The following CDH12 variants were observed in gnomAD, a reference collection of about 807,000 sequenced individuals.
CDH12 encodes the protein cadherin-12.
In CDH12, 41 loss-of-function variants were observed where a neutral mutation model predicts 74.1. The ratio of observed to expected loss-of-function variants is 0.55; its 90% CI spans 0.43 to 0.72. CDH12 has a LOEUF of 0.72. Ranked by LOEUF, CDH12 falls within the 30% of genes least tolerant of loss-of-function variation. CDH12 has a pLI of 0.00. For missense variants in CDH12, 945 were observed against 977.2 expected, an observed-to-expected ratio of 0.97 and a Z score of 0.44; for synonymous variants, 399 against 355.0, an observed-to-expected ratio of 1.12 and a Z score of -1.39.
chr5:22,431,693 G>C (rs542085778), intron 2 of CDH12, among the ~76,000 whole-genome samples: 2 of 152,316 alleles, frequency 1.3e-5, no homozygotes, highest in South Asian at 4.1e-4. Flanking sequence ...CAGTGATGTT[G>C]ATGATGCTGA....
chr5:22,257,610 C>T (rs1220140538), intron 3 of CDH12, among the ~76,000 whole-genome samples: 1 of 151,974 alleles, frequency 6.6e-6, no homozygotes, highest in Non-Finnish European at 1.5e-5. Context: ...AGCAATTCTC[C>T]TCCCTCAGCC....
chr5:22,301,116 G>A (rs114526442), intron 3 of CDH12, among the ~76,000 whole-genome samples: 381 of 152,028 alleles, frequency 2.5e-3, no homozygotes, highest in African/African-American at 8.8e-3. Context: ...GACTAAGTTC[G>A]GCAATGTATT....
At chr5:22,717,220 G>T (rs189783694) in intron 1 of CDH12, among the ~76,000 whole-genome samples, 1 of 151,930 alleles carries the variant, frequency 6.6e-6, no homozygotes, top group Admixed American at 6.6e-5. Context: ...CTCCATTCAT[G>T]GTATATGCCC....
chr5:22,178,095 T>A (rs1468572199), intron 4 of CDH12, among the ~76,000 whole-genome samples: 2 of 152,146 alleles, frequency 1.3e-5, no homozygotes, highest in Non-Finnish European at 2.9e-5. Context: ...TACCAAGATA[T>A]TTATTATTTC....
At chr5:22,242,599 G>T (rs1042127024) in intron 3 of CDH12, among the ~76,000 whole-genome samples, 1 of 152,102 alleles carries the variant, frequency 6.6e-6, no homozygotes, top group Non-Finnish European at 1.5e-5. Context: ...TCCTTTCCCA[G>T]CTGGCTTTCT....
At chr5:22,658,330 G>C (rs9293026) in intron 1 of CDH12, among the ~76,000 whole-genome samples, 92,073 of 151,852 alleles carry the variant, frequency 0.61, 28,283 homozygotes, top group Admixed American at 0.67. Context: ...TGTTTTGAAC[G>C]ACTGTGATAA....
At chr5:22,044,626 G>A (rs1242963733) in intron 5 of CDH12, among the ~76,000 whole-genome samples, 2 of 152,170 alleles carry the variant, frequency 1.3e-5, no homozygotes, top group African/African-American at 4.8e-5. Context: ...AAGTATATCA[G>A]AGAAGAATAG....
At chr5:22,598,514 CTG>C (rs1292076916) in intron 1 of CDH12, among the ~76,000 whole-genome samples, 1 of 152,126 alleles carries the variant, frequency 6.6e-6, no homozygotes, top group Non-Finnish European at 1.5e-5. Context: ...ACATCTGGAT[CTG>C]TGAGTCAATT....
intron 2 of CDH12, among the ~76,000 whole-genome samples, chr5:22,428,868 T>C (rs902482533): frequency 6.6e-6 from 1 of 152,174 alleles, no homozygotes; most frequent in Non-Finnish European, 1.5e-5. Flanking sequence ...TTTAGGGATA[T>C]GTTGATGATT....
chr5:22,224,065 A>C (rs917787798), intron 3 of CDH12, among the ~76,000 whole-genome samples: 3 of 151,992 alleles, frequency 2.0e-5, no homozygotes, highest in Admixed American at 6.6e-5. Context: ...TGAGTAATTG[A>C]AAGTTTTCTA....
chr5:22,287,476 G>A (rs924941914), intron 3 of CDH12, among the ~76,000 whole-genome samples: 4 of 151,998 alleles, frequency 2.6e-5, no homozygotes, highest in African/African-American at 7.2e-5. Flanking sequence ...TGTAATCCCA[G>A]CACTTTGGGA....
intron 1 of CDH12, among the ~76,000 whole-genome samples, chr5:22,635,718 G>A (rs115188760): frequency 0.02 from 2,977 of 152,032 alleles, 44 homozygotes; most frequent in Non-Finnish European, 0.03. Flanking sequence ...GATCGAAACC[G>A]GCCTGACCAA....
Position 22,565,128 on chromosome 5 carries a change from G to A in CDH12, c.-522-59764C>T, listed in dbSNP as rs114224833. On this transcript the variant is annotated intron_variant, in intron 1 of 14. Coordinates refer to ENST00000382254, the MANE Select transcript of CDH12 (RefSeq NM_004061.5). ...TTTTTGTATTCTTAGAAGAGATGGG[G>A]TTTCACCACGTTGGCCAAGATGGTC... is the stretch of plus-strand genomic sequence containing the variant. Among the ~76,000 whole-genome samples, 1,468 of 152,160 alleles carry A rather than the reference G, an allele frequency of 9.6e-3. 27 individuals are homozygous for A. Among genetic ancestry groups the A allele is most frequent in the African/African-American group, 0.034 (1,420 of 41,512 alleles).
intron 6 of CDH12, among the ~76,000 whole-genome samples, chr5:21,868,687 G>A (rs1283784083): frequency 6.6e-6 from 1 of 152,144 alleles, no homozygotes; most frequent in Non-Finnish European, 1.5e-5. Flanking sequence ...TCCCACCATT[G>A]TATTTTGGAA....
intron 5 of CDH12, among the ~76,000 whole-genome samples, chr5:21,998,363 T>C (rs1180885572): frequency 1.3e-5 from 2 of 152,108 alleles, no homozygotes; most frequent in Non-Finnish European, 2.9e-5. Context: ...TATATACATT[T>C]GCACTTCAGT....
chr5:22,447,983 A>AT (rs1329192749), intron 2 of CDH12, among the ~76,000 whole-genome samples: 34 of 104,918 alleles, frequency 3.2e-4, no homozygotes, highest in South Asian at 3.1e-3. Context: ...TCTACAAGAA[A>AT]TTAAAAAAAA....
intron 4 of CDH12, among the ~76,000 whole-genome samples, chr5:22,157,676 T>C (rs1748107312): frequency 6.6e-6 from 1 of 152,052 alleles, no homozygotes; most frequent in Admixed American, 6.6e-5. Flanking sequence ...GATATGCTAA[T>C]AATGCCTGGC....
At chr5:22,396,649 T>C (rs1054081440) in intron 3 of CDH12, among the ~76,000 whole-genome samples, 7 of 152,074 alleles carry the variant, frequency 4.6e-5, no homozygotes, top group African/African-American at 1.7e-4. Context: ...GCAGTGTAAA[T>C]TCAGGCTTCA....
intron 6 of CDH12, among the ~76,000 whole-genome samples, chr5:21,964,261 T>G (rs1268408604): frequency 1.3e-5 from 2 of 152,050 alleles, no homozygotes; most frequent in African/African-American, 4.8e-5. Context: ...TAGGGTTTAG[T>G]TTTGCTGATG....
Sources: gnomAD v4.1 joint callset for allele counts (sites outside exome capture counted in the v4.1 genomes callset) on GRCh38, gnomAD v4.1.1 for gene constraint, MANE v1.5 for transcripts, NCBI Gene and HGNC (gene_info 2026-07-23, HGNC 2026-07-21) for gene names.